The following STK11IP variants were observed in gnomAD, a reference collection of about 807,000 sequenced individuals.
STK11IP encodes serine/threonine kinase 11 interacting protein.
STK11IP carries 103 observed loss-of-function variants against 131.7 expected under a neutral mutation model. The observed-to-expected ratio is 0.78, with a 90% CI of 0.67 to 0.92. The LOEUF (loss-of-function observed/expected upper bound fraction) is 0.92, where lower values mean the gene tolerates loss of function less well. STK11IP is among the 40% of genes least tolerant of loss of function. STK11IP has a pLI of 0.00. For missense variants in STK11IP, 1,315 were observed against 1,385.7 expected (o/e 0.95, Z 0.81); for synonymous variants, 557 against 575.6 (o/e 0.97, Z 0.46).
At chr2:219,606,910 G>C in intron 12 of STK11IP, 52 bp downstream of exon 12, 2 of 1,589,856 alleles carry the variant, frequency 1.3e-6, no homozygotes, top group Non-Finnish European at 1.7e-6. Flanking sequence ...TCTCTCCGGG[G>C]ACTCTGGGCT....
intron 13 of STK11IP, 41 bp downstream of exon 13, chr2:219,607,178 G>C: frequency 6.3e-7 from 1 of 1,587,152 alleles, no homozygotes; most frequent in East Asian, 2.2e-5. Context: ...CGTCCCCAGC[G>C]AGCTCACTCT....
chr2:219,601,200 T>G, intron 2 of STK11IP, 35 bp from the exon 3 acceptor site: 1 of 1,566,034 alleles, frequency 6.4e-7, no homozygotes, highest in Non-Finnish European at 8.7e-7. Context: ...ATCTTTTCAC[T>G]GTGTCTTCCC....
At position 219,606,025 on chromosome 2, in the gene STK11IP, T is replaced by G; in HGVS notation, c.815T>G (p.Leu272Arg). 7 of 1,608,230 alleles carry G rather than the reference T, an allele frequency of 4.4e-6. No homozygotes were observed. Among genetic ancestry groups the G allele is most frequent in the Non-Finnish European group, 5.9e-6 (7 of 1,177,478 alleles). Residue 272 changes from leucine to arginine, a missense_variant, in exon 9 of 25, where the codon CTG becomes CGG. Physicochemically the swap from Leu to Arg is moderately radical, Grantham distance 102. Transcript: ENST00000456909. ...AACCTGCTGGAAGGACACCGGGAGC[T>G]GTCACCACTGTGGCTGCTGGCTGAG... ...AYNLLEGHRE[L>R]SPLWLLAELR... is the part of the protein sequence containing the mutation.
chr2:219,603,516 AT>A (rs975826270), intron 7 of STK11IP, among the ~76,000 whole-genome samples: 14 of 144,604 alleles, frequency 9.7e-5, no homozygotes, highest in African/African-American at 2.3e-4. Context: ...GTAAGGACAG[AT>A]TTTTTTTTTC....
At position 219,608,167 on chromosome 2, in the gene STK11IP, C is replaced by A; in HGVS notation, c.1340C>A (p.Thr447Asn). Residue 447 changes from threonine to asparagine, a missense_variant, in exon 14 of 25, where the codon ACC (threonine) becomes AAC (asparagine). Transcript: ENST00000456909. ...CCCTCCGGAAACCCTCTGCCGGCCACCCCCACTACTTCTGCACCCAGTGCA... is the reference window on the plus strand; with the variant it reads ...CCCTCCGGAAACCCTCTGCCGGCCAACCCCACTACTTCTGCACCCAGTGCA... Reference protein sequence around the residue: ...LEPSGNPLPATPTTSAPSAPP... With the variant: ...LEPSGNPLPANPTTSAPSAPP... 6.2e-7 allele frequency: 1 copy of A among 1,613,660 alleles called. No individual in the cohort carries two copies. The highest frequency in any genetic ancestry group is 1.1e-5 in the South Asian group (1 of 91,080).
At chr2:219,602,809 A>G (rs779134026) in intron 7 of STK11IP, 33 bp downstream of exon 7, 11 of 1,588,296 alleles carry the variant, frequency 6.9e-6, no homozygotes, top group Middle Eastern at 3.3e-4. Flanking sequence ...CTGGCACACC[A>G]TGGGTCTTTG....
chr2:219,601,046 G>C (rs1294636068), intron 2 of STK11IP, among the ~76,000 whole-genome samples, 189 bp from the exon 3 acceptor site: 1 of 152,212 alleles, frequency 6.6e-6, no homozygotes, highest in East Asian at 1.9e-4. Context: ...TGAAATGTTA[G>C]GACTTTTTTT....
chr2:219,614,492 G>A lies in STK11IP; in HGVS notation c.2815G>A (p.Asp939Asn). 2 of 1,613,828 alleles carry A rather than the reference G, an allele frequency of 1.2e-6. No homozygotes were observed. Among genetic ancestry groups the A allele is most frequent in the South Asian group, 1.1e-5 (1 of 91,080 alleles). Residue 939 changes from aspartate (D) to asparagine (N), a missense_variant, in exon 23 of 25, where the codon GAC becomes AAC. Asp to Asn is a conservative substitution (Grantham distance 23). Transcript: ENST00000456909. ...QHRLWPLLEK[D>N]SSLEARQFFY... ...TCCCTCTAGGCCATTGCTGGAAAAAGACTCATCCTTGGAGGCTCGCCAGTT... is the reference window on the plus strand; with the variant it reads ...TCCCTCTAGGCCATTGCTGGAAAAAAACTCATCCTTGGAGGCTCGCCAGTT...
chr2:219,602,376 A>G, intron 5 of STK11IP, 92 bp from the exon 6 acceptor site: 1 of 1,000,012 alleles, frequency 1.0e-6, no homozygotes, highest in East Asian at 2.4e-5. Context: ...TCAGTGTATA[A>G]AAAATGAATG....
At chr2:219,613,696 T>C in intron 20 of STK11IP, 56 bp from the exon 21 acceptor site, 3 of 1,605,430 alleles carry the variant, frequency 1.9e-6, no homozygotes, top group Non-Finnish European at 2.6e-6. Context: ...AGGGCCTCTC[T>C]GGGACTCTCA....
chr2:219,606,550 G>A (rs776549581), intron 11 of STK11IP, 33 bp downstream of exon 11: 8 of 1,612,418 alleles, frequency 5.0e-6, no homozygotes, highest in Non-Finnish European at 5.9e-6. Context: ...GACTGTTGGG[G>A]GAAGACACGA....
intron 2 of STK11IP, among the ~76,000 whole-genome samples, chr2:219,600,053 GTTTTTGTTTTTTT>G (rs1697934005): frequency 2.0e-5 from 2 of 101,572 alleles, no homozygotes; most frequent in African/African-American, 8.5e-5. Flanking sequence ...TTTTTTTTTT[GTTTTTGTTTTTTT>G]TTTTTTTTTT....
At chr2:219,601,890 G>T in intron 4 of STK11IP, 98 bp from the exon 5 acceptor site, 4 of 1,302,354 alleles carry the variant, frequency 3.1e-6, no homozygotes, top group Non-Finnish European at 4.3e-6. Context: ...TCATAGCTGG[G>T]CTTTGTGGTC....
At chr2:219,614,269 G>A (rs752312727) in intron 22 of STK11IP, 27 bp downstream of exon 22, 3 of 1,610,982 alleles carry the variant, frequency 1.9e-6, no homozygotes, top group Non-Finnish European at 2.5e-6. Context: ...CAGAGGCTGG[G>A]GTTGCTGCCC....
chr2:219,612,296 C>T (rs570890854), intron 19 of STK11IP, among the ~76,000 whole-genome samples: 23 of 152,296 alleles, frequency 1.5e-4, no homozygotes, highest in Non-Finnish European at 3.2e-4. Flanking sequence ...CGTCAGGGCT[C>T]ATGTTGAAGC....
In STK11IP at chr2:219,613,733, C is replaced by G; in HGVS notation, c.2538-19C>G. Reference sequence around the variant, plus strand: ...TCCACTCTCATGCTTCTCCATTGCTCTGTCCCCTCTCTCCACAGTGAGCCT... The same window carrying G: ...TCCACTCTCATGCTTCTCCATTGCTGTGTCCCCTCTCTCCACAGTGAGCCT... On this transcript the variant is annotated intron_variant, in intron 20 of 24. Coordinates refer to ENST00000456909, the MANE Select transcript of STK11IP (RefSeq NM_052902.4). 2 of 1,612,152 alleles carry G rather than the reference C, an allele frequency of 1.2e-6. No individual in the cohort carries two copies. The highest frequency in any genetic ancestry group is 2.2e-5 in the South Asian group (2 of 91,074).
chr2:219,608,927 C>A, intron 15 of STK11IP, 139 bp downstream of exon 15: 1 of 1,161,536 alleles, frequency 8.6e-7, no homozygotes, highest in Non-Finnish European at 1.2e-6. Flanking sequence ...AGGTTGCAAG[C>A]ACTCGGGAAG....
At chr2:219,599,446 C>T (rs1489931134) in intron 2 of STK11IP, among the ~76,000 whole-genome samples, 1 of 152,176 alleles carries the variant, frequency 6.6e-6, no homozygotes. Context: ...TTATATCCTT[C>T]TCTGGGAGGA....
intron 2 of STK11IP, among the ~76,000 whole-genome samples, chr2:219,599,347 C>T (rs1304472030): frequency 1.3e-5 from 2 of 152,176 alleles, no homozygotes; most frequent in Non-Finnish European, 2.9e-5. Flanking sequence ...CCTTGGCCTC[C>T]CAAAGTGCTA....
Sources: allele counts gnomAD v4.1 joint callset (sites outside exome capture counted in the v4.1 genomes callset), GRCh38; gene constraint gnomAD v4.1.1; transcripts MANE v1.5; gene names NCBI Gene and HGNC (gene_info 2026-07-23, HGNC 2026-07-21).